The following GRB10 variants were observed in gnomAD, a reference collection of about 807,000 sequenced individuals.
The protein encoded by GRB10 is growth factor receptor-bound protein 10.
Under a neutral mutation model 80.9 loss-of-function variants are expected in GRB10, and 20 were observed. The ratio of observed to expected loss-of-function variants is 0.25; its 90% confidence interval spans 0.17 to 0.36. The LOEUF is 0.36. GRB10 is among the 10% of genes least tolerant of loss of function. The probability of loss-of-function intolerance (pLI) is 1.00; values close to 1 mark genes in which losing one functional copy is unlikely to be tolerated. For missense variants in GRB10, 548 were observed against 747.7 expected (o/e 0.73, Z 3.12); for synonymous variants, 291 against 291.5 (o/e 1.00, Z 0.02).
intron 2 of GRB10, among the ~76,000 whole-genome samples, chr7:50,759,155 T>C (rs763924495): frequency 6.9e-6 from 1 of 145,130 alleles, no homozygotes; most frequent in Non-Finnish European, 1.5e-5. Flanking sequence ...ATCACACCAA[T>C]GCACTCCAGC....
upstream of GRB10, among the ~76,000 whole-genome samples, chr7:50,785,721 T>C (rs1439149374): frequency 2.0e-5 from 3 of 152,162 alleles, no homozygotes; most frequent in South Asian, 2.1e-4. Context: ...CCTCCTACAA[T>C]AGAAGCACAG....
chr7:50,657,365 G>C lies in GRB10; in HGVS notation c.504+12357C>G, dbSNP rs569035524. ...AAGCAATGTTGCTTCCCACTTCCTCGAGTGTCTGTGATGTTCCCGCGGCTC... is the reference window on the plus strand; with the variant it reads ...AAGCAATGTTGCTTCCCACTTCCTCCAGTGTCTGTGATGTTCCCGCGGCTC... On this transcript the variant is annotated intron_variant, in intron 7 of 18. Coordinates refer to ENST00000401949, the MANE Select transcript of GRB10 (RefSeq NM_001350814.2). 5.9e-5 allele frequency among the ~76,000 whole-genome samples: 9 copies of C among 152,226 alleles called. No individual in the cohort carries two copies. In the South Asian group the frequency reaches 1.7e-3, roughly 28 times the overall value.
chr7:50,615,556 G>A (rs2050455401), intron 11 of GRB10, among the ~76,000 whole-genome samples: 1 of 152,182 alleles, frequency 6.6e-6, no homozygotes, highest in African/African-American at 2.4e-5. Flanking sequence ...ACCTGTGCTG[G>A]GGTCCCGCCA....
intron 3 of GRB10, among the ~76,000 whole-genome samples, chr7:50,742,289 A>G (rs150457074): frequency 1.5e-3 from 42 of 28,776 alleles, no homozygotes; most frequent in African/African-American, 2.5e-3. Flanking sequence ...ACACACACAC[A>G]CACACACACA....
chr7:50,785,330 T>C (rs55986073), upstream of GRB10, among the ~76,000 whole-genome samples: 7,854 of 152,278 alleles, frequency 0.052, 308 homozygotes, highest in East Asian at 0.2. Flanking sequence ...TGTGGCCAAA[T>C]TGCATGGGAC....
chr7:50,662,455 C>T (rs1355992514), intron 7 of GRB10, among the ~76,000 whole-genome samples: 1 of 152,214 alleles, frequency 6.6e-6, no homozygotes, highest in Non-Finnish European at 1.5e-5. Context: ...CCAGTGTGTG[C>T]TGCATTTGGG....
intron 6 of GRB10, among the ~76,000 whole-genome samples, chr7:50,670,134 G>A (rs2529414): frequency 0.78 from 118,974 of 151,902 alleles, 46,897 homozygotes; most frequent in East Asian, 0.91. Context: ...CACAGGCTAC[G>A]ACACGGATGA....
chr7:50,733,409 C>T (rs184140916), intron 3 of GRB10, among the ~76,000 whole-genome samples: 1 of 152,274 alleles, frequency 6.6e-6, no homozygotes, highest in East Asian at 1.9e-4. Context: ...TATAAAATCA[C>T]TAGGGAATTC....
intron 5 of GRB10, among the ~76,000 whole-genome samples, chr7:50,691,777 G>A (rs1028108675): frequency 1.3e-5 from 2 of 152,140 alleles, no homozygotes; most frequent in South Asian, 2.1e-4. Context: ...ATCTCAACCC[G>A]AATAGAAGGT....
At chr7:50,668,992 C>A (rs371450207) in intron 7 of GRB10, among the ~76,000 whole-genome samples, 1 of 152,336 alleles carries the variant, frequency 6.6e-6, no homozygotes, top group East Asian at 1.9e-4. Flanking sequence ...CTTCTGCTTT[C>A]GGCAGATCAT....
In GRB10 at chr7:50,734,943, A is replaced by C. The variant is rs527864860; in HGVS notation, c.-46-2575T>G. 1.6e-4 allele frequency among the ~76,000 whole-genome samples: 24 copies of C among 152,358 alleles called. No individual in the cohort carries two copies. The South Asian group carries it at 5.0e-3, about 32-fold the overall frequency. The stretch of plus-strand genomic sequence containing the variant: ...CCACTTCTATTCAACATAGTATTGG[A>C]AGTCCTCGCCAGAGCACTGAGACAA... On this transcript the variant is annotated intron_variant, in intron 3 of 18. Transcript: ENST00000401949.
chr7:50,744,282 G>A (rs2072443693), intron 3 of GRB10, among the ~76,000 whole-genome samples: 1 of 152,206 alleles, frequency 6.6e-6, no homozygotes, highest in South Asian at 2.1e-4. Flanking sequence ...GAAAAGGACG[G>A]CAGGGAGGGA....
chr7:50,721,392 A>G (rs2067712431), intron 4 of GRB10, among the ~76,000 whole-genome samples: 1 of 152,242 alleles, frequency 6.6e-6, no homozygotes, highest in Non-Finnish European at 1.5e-5. Flanking sequence ...GTCACAGAGG[A>G]GCCGTCGCAG....
rs1043850054 is a variant in GRB10, at chr7:50,674,416, C to T, written c.362+20G>A. 3.1e-6 allele frequency: 5 copies of T among 1,598,506 alleles called. No homozygotes were observed. The African/African-American group carries it at 5.3e-5, about 17-fold the overall frequency. On this transcript the variant is annotated intron_variant, in intron 6 of 18. Transcript: ENST00000401949. ...GCTCTCATCCTTGGAGAAGGCTCTG[C>T]CCATAAGGCCTGGACCTACCTGACA...
At chr7:50,648,307 C>G (rs1356976031) in intron 7 of GRB10, among the ~76,000 whole-genome samples, 1 of 152,068 alleles carries the variant, frequency 6.6e-6, no homozygotes, top group South Asian at 2.1e-4. Context: ...AAGCGGAAGA[C>G]AGAGAACCCC....
At chr7:50,666,788 C>A (rs569479385) in intron 7 of GRB10, among the ~76,000 whole-genome samples, 1 of 151,976 alleles carries the variant, frequency 6.6e-6, no homozygotes, top group Non-Finnish European at 1.5e-5. Flanking sequence ...CATCTGTAAT[C>A]CCAGCACTTT....
At chr7:50,729,000 T>C (rs907436450) in intron 4 of GRB10, among the ~76,000 whole-genome samples, 11 of 152,212 alleles carry the variant, frequency 7.2e-5, no homozygotes, top group South Asian at 2.1e-4. Flanking sequence ...CAAAAGCAGA[T>C]TGCAGTTCGT....
intron 7 of GRB10, among the ~76,000 whole-genome samples, chr7:50,664,755 G>A (rs1300603552): frequency 1.3e-5 from 2 of 152,136 alleles, no homozygotes; most frequent in Non-Finnish European, 2.9e-5. Context: ...CTCTCCGGCC[G>A]GAGCATGGTG....
At chr7:50,709,477 C>T (rs1004022275) in intron 4 of GRB10, among the ~76,000 whole-genome samples, 2 of 152,140 alleles carry the variant, frequency 1.3e-5, no homozygotes, top group South Asian at 4.1e-4. Flanking sequence ...CAAATGCCCC[C>T]TGGCCTCACT....
Sources: allele counts gnomAD v4.1 joint callset (sites outside exome capture counted in the v4.1 genomes callset), GRCh38; gene constraint gnomAD v4.1.1; transcripts MANE v1.5; gene names NCBI Gene and HGNC (gene_info 2026-07-23, HGNC 2026-07-21).